The following CTNNA2 variants were observed in gnomAD, a reference collection of about 807,000 sequenced individuals.
The protein encoded by CTNNA2 is catenin alpha 2.
In CTNNA2, 42 loss-of-function variants were observed where a neutral mutation model predicts 101.0. The ratio of observed to expected loss-of-function variants is 0.42; its 90% CI spans 0.32 to 0.54. The LOEUF is 0.54. Ranked by LOEUF, CTNNA2 falls within the 20% of genes least tolerant of loss-of-function variation. The pLI, the probability that CTNNA2 is intolerant of heterozygous loss-of-function variation, is 0.14. For missense variants in CTNNA2, 871 were observed against 1,223.1 expected (o/e 0.71, Z 4.29); for synonymous variants, 450 against 456.4 (o/e 0.99, Z 0.18).
At chr2:80,347,513 T>C (rs1361746839) in intron 7 of CTNNA2, among the ~76,000 whole-genome samples, 2 of 152,166 alleles carry the variant, frequency 1.3e-5, no homozygotes, top group Admixed American at 1.3e-4. Flanking sequence ...TTCATTTATA[T>C]TTGATTTTGA....
At chr2:79,900,885 T>C (rs1324699734) in intron 6 of CTNNA2, among the ~76,000 whole-genome samples, 1 of 152,194 alleles carries the variant, frequency 6.6e-6, no homozygotes, top group Non-Finnish European at 1.5e-5. Context: ...TTACACATTG[T>C]ATGCCTGTCT....
intron 4 of CTNNA2, among the ~76,000 whole-genome samples, chr2:79,433,748 G>A (rs1678681320): frequency 6.6e-6 from 1 of 150,822 alleles, no homozygotes; most frequent in Admixed American, 6.6e-5. Flanking sequence ...CAAAAATTTA[G>A]AAATACATCT....
At chr2:80,380,958 A>G (rs1484197548) in intron 7 of CTNNA2, among the ~76,000 whole-genome samples, 1 of 152,096 alleles carries the variant, frequency 6.6e-6, no homozygotes, top group Non-Finnish European at 1.5e-5. Flanking sequence ...CCTGCTTTCT[A>G]CATAGTTTAG....
At chr2:79,232,214 A>AT (rs1674501777) in intron 2 of CTNNA2, among the ~76,000 whole-genome samples, 1 of 151,940 alleles carries the variant, frequency 6.6e-6, no homozygotes, top group South Asian at 2.1e-4. Context: ...GGCTCTTATT[A>AT]TTTTGAGGTA....
In CTNNA2 at chr2:79,539,073, A is replaced by G. The variant is rs568041638; in HGVS notation, c.-6+25866A>G. Among the ~76,000 whole-genome samples the G allele has an allele frequency of 1.8e-4, 27 of 152,298 alleles. No individual in the cohort carries two copies. The South Asian group carries it at 5.2e-3, about 29-fold the overall frequency. On this transcript the variant is annotated intron_variant, in intron 1 of 18. Transcript: ENST00000402739. ...AAAATATCCAAATAATTGCACAGAT[A>G]ATGGTTAAGAAAAGACTAGCTAGGC...
At chr2:79,991,780 G>A (rs904836061) in intron 7 of CTNNA2, among the ~76,000 whole-genome samples, 1 of 152,072 alleles carries the variant, frequency 6.6e-6, no homozygotes, top group African/African-American at 2.4e-5. Flanking sequence ...CCAGCCTCCC[G>A]TTTGTTGGAA....
At chr2:80,392,729 A>G (rs370853787) in intron 7 of CTNNA2, among the ~76,000 whole-genome samples, 15 of 152,348 alleles carry the variant, frequency 9.8e-5, no homozygotes, top group South Asian at 4.1e-4. Flanking sequence ...TCTCTTTTGA[A>G]TTTGATATAG....
At chr2:79,916,593 ACGG>A (rs1484138121) in intron 7 of CTNNA2, among the ~76,000 whole-genome samples, 1 of 30,490 alleles carries the variant, frequency 3.3e-5, no homozygotes, top group African/African-American at 1.7e-4. Flanking sequence ...TTTTTTTTTG[ACGG>A]AGGAGTCTCG....
In CTNNA2 at chr2:80,008,129, C is replaced by T. The variant is rs575099295; in HGVS notation, c.1056+98332C>T. 3.9e-5 allele frequency among the ~76,000 whole-genome samples: 6 copies of T among 152,316 alleles called. No homozygotes were observed. The South Asian group carries it at 1.2e-3, about 32-fold the overall frequency. ...GCTCCTCTTCTTGCTGTCCCAGGAACAGATGGAAAATCTGAGTCCTTCTGA... is the reference window on the plus strand; with the variant it reads ...GCTCCTCTTCTTGCTGTCCCAGGAATAGATGGAAAATCTGAGTCCTTCTGA... On this transcript the variant is annotated intron_variant, in intron 7 of 18. Transcript: ENST00000402739.
chr2:79,808,005 A>G (rs1676712234), intron 3 of CTNNA2, among the ~76,000 whole-genome samples: 1 of 152,206 alleles, frequency 6.6e-6, no homozygotes, highest in Non-Finnish European at 1.5e-5. Flanking sequence ...TTAAGGACTC[A>G]TCATGATCTA....
intron 7 of CTNNA2, among the ~76,000 whole-genome samples, chr2:80,354,009 G>A (rs1461464316): frequency 6.6e-6 from 1 of 152,078 alleles, no homozygotes; most frequent in Non-Finnish European, 1.5e-5. Context: ...GGAGGGAGGT[G>A]GTTGCCAGGG....
chr2:80,462,581 CTCTT>C (rs1684515199), intron 9 of CTNNA2, among the ~76,000 whole-genome samples: 5 of 147,658 alleles, frequency 3.4e-5, no homozygotes, highest in African/African-American at 1.3e-4. Context: ...TTTTCTATCT[CTCTT>C]ATGTATCTCA....
At chr2:80,118,628 T>C (rs1247675872) in intron 7 of CTNNA2, among the ~76,000 whole-genome samples, 1 of 152,250 alleles carries the variant, frequency 6.6e-6, no homozygotes, top group Non-Finnish European at 1.5e-5. Flanking sequence ...TTAATTAAAG[T>C]AGATCATATT....
At chr2:79,212,369 G>T (rs961557443) in intron 2 of CTNNA2, among the ~76,000 whole-genome samples, 4 of 152,190 alleles carry the variant, frequency 2.6e-5, no homozygotes, top group African/African-American at 9.7e-5. Context: ...ATAAAAAGGA[G>T]CGTCTATACA....
In CTNNA2 at chr2:79,815,016, C is replaced by CT. The variant is rs796108950; in HGVS notation, c.299-42996dup. ...CATTGTGGTTTTGATTTGCATTTCC[C>CT]TAATTATTGGTGATGTTGAGCATTT... On this transcript the variant is annotated intron_variant, in intron 3 of 18. Coordinates refer to ENST00000402739, the MANE Select transcript of CTNNA2 (RefSeq NM_001282597.3). Among the ~76,000 whole-genome samples the CT allele has an allele frequency of 7.2e-4, 110 of 152,210 alleles. 1 individual carries two copies. The highest frequency in any genetic ancestry group is 2.6e-3 in the African/African-American group (108 of 41,540).
chr2:79,538,456 G>T (rs984782007), intron 1 of CTNNA2, among the ~76,000 whole-genome samples: 3 of 152,144 alleles, frequency 2.0e-5, no homozygotes, highest in Non-Finnish European at 4.4e-5. Flanking sequence ...AATTGTTGAG[G>T]AATTACTGGA....
chr2:80,316,950 G>A (rs1678186721), intron 7 of CTNNA2, among the ~76,000 whole-genome samples: 1 of 152,150 alleles, frequency 6.6e-6, no homozygotes, highest in South Asian at 2.1e-4. Flanking sequence ...GAGAAATTGA[G>A]GGACTGGACC....
chr2:80,321,698 G>C (rs1441565138), intron 7 of CTNNA2, among the ~76,000 whole-genome samples: 1 of 152,170 alleles, frequency 6.6e-6, no homozygotes, highest in East Asian at 1.9e-4. Context: ...CCAGTTAGTT[G>C]TGGCAAGGTT....
chr2:79,886,489 C>T lies in CTNNA2; in HGVS notation c.852+12147C>T, dbSNP rs568995392. ...AATGGCAGCCAGGCGCGGTGGCTCA[C>T]GCCTGTAATCCCAGCACTTTGGGAG... On this transcript the variant is annotated intron_variant, in intron 6 of 18. Coordinates refer to ENST00000402739, the MANE Select transcript of CTNNA2 (RefSeq NM_001282597.3). 1.9e-4 allele frequency among the ~76,000 whole-genome samples: 29 copies of T among 151,940 alleles called. No individual in the cohort carries two copies. The South Asian group carries it at 2.3e-3, about 12-fold the overall frequency.
Sources: gnomAD v4.1 joint callset for allele counts (sites outside exome capture counted in the v4.1 genomes callset) on GRCh38, gnomAD v4.1.1 for gene constraint, MANE v1.5 for transcripts, NCBI Gene and HGNC (gene_info 2026-07-23, HGNC 2026-07-21) for gene names.